Variants in CLIC4 observed in about 807,000 individuals in gnomAD.
The protein encoded by CLIC4 is chloride intracellular channel protein 4.
Under a neutral mutation model 24.6 loss-of-function variants are expected in CLIC4, and 13 were observed. That is an observed-to-expected ratio of 0.53 (90% CI 0.34 to 0.84). The LOEUF is 0.84. Among genes scored for constraint, CLIC4 ranks in the 40% least tolerant of loss-of-function variants. The pLI is 0.01. For synonymous variants in CLIC4, 104 were observed against 111.3 expected (o/e 0.93, Z 0.41); for missense variants, 227 against 301.7 (o/e 0.75, Z 1.83).
intron 2 of CLIC4, among the ~76,000 whole-genome samples, chr1:24,805,457 T>C (rs978710240): frequency 1.3e-5 from 2 of 152,178 alleles, no homozygotes; most frequent in Non-Finnish European, 2.9e-5. Flanking sequence ...GTGTTAACTT[T>C]TGTGAGGTTT....
intron 2 of CLIC4, 29 bp from the exon 3 acceptor site, chr1:24,814,065 C>G (rs761309506): frequency 2.7e-5 from 43 of 1,611,456 alleles, no homozygotes; most frequent in Admixed American, 2.2e-4. Context: ...AAAAAATGAT[C>G]TGATTTTGAC....
chr1:24,823,706 G>A (rs1010996812), intron 3 of CLIC4, among the ~76,000 whole-genome samples: 2 of 148,888 alleles, frequency 1.3e-5, no homozygotes, highest in Admixed American at 6.8e-5. Flanking sequence ...ACCGGAAGGC[G>A]GAGGTTGCAG....
At chr1:24,809,477 A>G (rs1639589866) in intron 2 of CLIC4, among the ~76,000 whole-genome samples, 1 of 152,042 alleles carries the variant, frequency 6.6e-6, no homozygotes, top group African/African-American at 2.4e-5. Flanking sequence ...ATATTTAAAA[A>G]TACTATTTTT....
intron 1 of CLIC4, among the ~76,000 whole-genome samples, chr1:24,794,514 G>A (rs192667468): frequency 1.5e-3 from 228 of 151,936 alleles, no homozygotes; most frequent in African/African-American, 5.3e-3. Context: ...TCTTCATGTC[G>A]GTTGCCCACA....
intron 5 of CLIC4, 46 bp downstream of exon 5, chr1:24,840,087 T>C (rs770935498): frequency 7.2e-6 from 11 of 1,533,028 alleles, no homozygotes; most frequent in Middle Eastern, 3.5e-4. Context: ...CCTTGTATTG[T>C]ATTTACTAAA....
intron 1 of CLIC4, among the ~76,000 whole-genome samples, chr1:24,758,489 A>G (rs1638879244): frequency 6.8e-6 from 1 of 147,360 alleles, no homozygotes; most frequent in Non-Finnish European, 1.5e-5. Flanking sequence ...GCAGAGTCTC[A>G]CTCTGTCACC....
intron 1 of CLIC4, among the ~76,000 whole-genome samples, chr1:24,781,605 T>C (rs999974474): frequency 1.3e-5 from 2 of 151,452 alleles, no homozygotes; most frequent in Non-Finnish European, 1.5e-5. Context: ...GTGCTGTGGG[T>C]CCTCAAGGAC....
intron 2 of CLIC4, among the ~76,000 whole-genome samples, chr1:24,811,575 C>T (rs1639615478): frequency 6.6e-6 from 1 of 152,050 alleles, no homozygotes; most frequent in Non-Finnish European, 1.5e-5. Flanking sequence ...TGGGCTCAAC[C>T]AATCCTCCCA....
At position 24,797,747 on chromosome 1, in the gene CLIC4, C is replaced by T; in HGVS notation, c.78C>T (p.Gly26=). The T allele has an allele frequency of 6.2e-7, 1 of 1,606,626 alleles. No individual in the cohort carries two copies. The highest frequency in any genetic ancestry group is 8.5e-7 in the Non-Finnish European group (1 of 1,176,648). ...TGTTTAATTCTGTTTTCCAGGCTGGCAGTGATGGTGAAAGCATAGGAAACT... is the reference window on the plus strand; with the variant it reads ...TGTTTAATTCTGTTTTCCAGGCTGGTAGTGATGGTGAAAGCATAGGAAACT... ...EPLIELFVKA[G]SDGESIGNCP... The change falls in exon 2 of 6, where the codon GGC becomes GGT. Residue 26 remains glycine, a synonymous_variant. Transcript: ENST00000374379.
At chr1:24,785,423 T>C (rs1282035533) in intron 1 of CLIC4, among the ~76,000 whole-genome samples, 1 of 152,212 alleles carries the variant, frequency 6.6e-6, no homozygotes, top group African/African-American at 2.4e-5. Context: ...GCTAATGAAC[T>C]AGGGAAGTCA....
chr1:24,766,511 TTTTTTTTTTTG>T (rs1639000483), intron 1 of CLIC4, among the ~76,000 whole-genome samples: 2 of 78,968 alleles, frequency 2.5e-5, no homozygotes, highest in Admixed American at 1.4e-4. Flanking sequence ...TTTTTTTTTT[TTTTTTTTTTTG>T]AGACGGGGTC....
chr1:24,810,051 A>T (rs1436747312), intron 2 of CLIC4, among the ~76,000 whole-genome samples: 2 of 151,992 alleles, frequency 1.3e-5, no homozygotes, highest in African/African-American at 4.8e-5. Context: ...CTTTTTTCTG[A>T]TTTTCTTTGC....
chr1:24,824,999 C>CACACACAT (rs1468927456), intron 3 of CLIC4, among the ~76,000 whole-genome samples: 7 of 53,720 alleles, frequency 1.3e-4, no homozygotes, highest in African/African-American at 8.0e-4. Context: ...GACCCTGTCA[C>CACACACAT]ACACACACAC....
At chr1:24,745,893 G>C (rs1467374178) in intron 1 of CLIC4, among the ~76,000 whole-genome samples, 3 of 151,116 alleles carry the variant, frequency 2.0e-5, no homozygotes, top group Non-Finnish European at 4.4e-5. Context: ...AGCGTCCCGC[G>C]CCCGGGTGGG....
At chr1:24,749,764 C>G (rs1638751062) in intron 1 of CLIC4, among the ~76,000 whole-genome samples, 1 of 151,970 alleles carries the variant, frequency 6.6e-6, no homozygotes, top group Non-Finnish European at 1.5e-5. Flanking sequence ...TCTAGACCAG[C>G]CTGGGCAACA....
chr1:24,775,170 T>C (rs1639118277), intron 1 of CLIC4, among the ~76,000 whole-genome samples: 1 of 151,738 alleles, frequency 6.6e-6, no homozygotes, highest in African/African-American at 2.4e-5. Flanking sequence ...GTATGCAATG[T>C]GTTGTTTTTT....
At chr1:24,767,188 G>A (rs2124097268) in intron 1 of CLIC4, among the ~76,000 whole-genome samples, 1 of 152,284 alleles carries the variant, frequency 6.6e-6, no homozygotes, top group East Asian at 1.9e-4. Context: ...TAGTGGCTAA[G>A]AGTGTGGACT....
chr1:24,796,451 T>C (rs1350535923), intron 1 of CLIC4, among the ~76,000 whole-genome samples: 1 of 152,232 alleles, frequency 6.6e-6, no homozygotes, highest in Non-Finnish European at 1.5e-5. Context: ...CCTCCCAAAG[T>C]GCTGGGATTA....
chr1:24,785,688 C>A (rs1211520840), intron 1 of CLIC4, among the ~76,000 whole-genome samples: 1 of 151,786 alleles, frequency 6.6e-6, no homozygotes, highest in Non-Finnish European at 1.5e-5. Context: ...CCCGTCTCTA[C>A]TAAAAATACA....
Sources: gnomAD v4.1 joint callset for allele counts (sites outside exome capture counted in the v4.1 genomes callset) on GRCh38, gnomAD v4.1.1 for gene constraint, MANE v1.5 for transcripts, NCBI Gene and HGNC (gene_info 2026-07-23, HGNC 2026-07-21) for gene names.